OR6C3: variants seen among roughly 807,000 people sequenced by gnomAD.
OR6C3 encodes the protein olfactory receptor family 6 subfamily C member 3.
For synonymous variants in OR6C3, 177 were observed against 137.4 expected, an observed-to-expected ratio of 1.29 and a Z score of -2.02; for missense variants, 487 against 364.6, an observed-to-expected ratio of 1.34 and a Z score of -2.73.
chr12:55,330,892 A>G (rs910046587), intron 1 of OR6C3, 85 bp downstream of exon 1: 1 of 152,102 alleles, frequency 6.6e-6, no homozygotes, highest in Non-Finnish European at 1.5e-5. Context: ...TCAAAATTAA[A>G]ATGTCTGTAT....
rs1206655493 is a variant in OR6C3 at position 55,332,393 on chromosome 12, A to G, written c.693A>G (p.Arg231=). The G allele has an allele frequency of 8.1e-6, 13 of 1,613,906 alleles. No homozygotes were observed. Among genetic ancestry groups the G allele is most frequent in the South Asian group, 1.1e-5 (1 of 91,084 alleles). The change falls in exon 2 of 2, where the codon AGA becomes AGG. Residue 231 remains arginine (R), a synonymous_variant. Coordinates refer to ENST00000641740, the MANE Select transcript of OR6C3 (RefSeq NM_001388498.1). The stretch of plus-strand genomic sequence containing the variant: ...TGAGAATCCCGTCTGCCAGTCAAAG[A>G]AAAAAGGCTTTCTCCACTTGTTCTT... ...TILRIPSASQ[R]KKAFSTCSSH...
At position 55,331,665 on chromosome 12, in the gene OR6C3, G is replaced by A. The variant is rs1258530132; in HGVS notation, c.-36G>A. The A allele has an allele frequency of 1.7e-5, 23 of 1,339,250 alleles. No homozygotes were observed. Among genetic ancestry groups the A allele is most frequent in the Non-Finnish European group, 2.2e-5 (21 of 961,904 alleles). 83.0% of individuals were successfully genotyped at this position (1,339,250 alleles called of 1,614,324 possible). A position where few individuals can be genotyped will look rare whatever the true frequency, so the allele number is the denominator to read the frequency against. On this transcript the variant is annotated 5_prime_UTR_variant, in exon 2 of 2. Coordinates refer to ENST00000641740, the MANE Select transcript of OR6C3 (RefSeq NM_001388498.1). Reference sequence around the variant, plus strand: ...CAAAATATCTTTAAAAGAACAAAAAGGAGAGTGGAAGAAGGAGAGAGAGAA... The same window carrying A: ...CAAAATATCTTTAAAAGAACAAAAAAGAGAGTGGAAGAAGGAGAGAGAGAA...
upstream of OR6C3, chr12:55,330,203 A>C (rs1229586594): frequency 1.3e-5 from 2 of 152,176 alleles, no homozygotes; most frequent in Non-Finnish European, 2.9e-5. Flanking sequence ...TCTAACTCAT[A>C]ATATCCAATG....
chr12:55,332,152 T>A lies in OR6C3; in HGVS notation c.452T>A (p.Leu151Gln). The change falls in exon 2 of 2, where the codon CTG becomes CAG. Residue 151 changes from leucine to glutamine, a missense_variant. Transcript: ENST00000641740. Reference sequence around the variant, plus strand: ...CTGTGTGCCTGGCTAAGTGGGTTTCTGACCATTTTCCCACCCCTTATGCTT... The same window carrying A: ...CTGTGTGCCTGGCTAAGTGGGTTTCAGACCATTTTCCCACCCCTTATGCTT... ...LVLCAWLSGF[L>Q]TIFPPLMLLL... 6.2e-7 allele frequency: 1 copy of A among 1,614,172 alleles called. No homozygotes were observed. Among genetic ancestry groups the A allele is most frequent in the Admixed American group, 1.7e-5 (1 of 60,012 alleles).
chr12:55,332,334 A>AT lies in OR6C3; in HGVS notation c.638dup (p.Leu213PhefsTer46). 6.2e-7 allele frequency: 1 copy of AT among 1,614,020 alleles called. No homozygotes were observed. The highest frequency in any genetic ancestry group is 8.5e-7 in the Non-Finnish European group (1 of 1,180,000). ...TTTGCTGTTCACTTTGGCATTAGTG[A>AT]TTTTATCTTACATGTACATTATCAG... is the stretch of plus-strand genomic sequence containing the variant. On this transcript the variant is annotated frameshift_variant, in exon 2 of 2. Transcript: ENST00000641740. LOFTEE classifies it low-confidence loss of function (END_TRUNC).
chr12:55,331,797 A>G lies in OR6C3; in HGVS notation c.97A>G (p.Ile33Val), dbSNP rs1868859965. Residue 33 changes from isoleucine (I) to valine (V), a missense_variant, in exon 2 of 2, where the codon ATA (isoleucine) becomes GTA (valine). Physicochemically the swap from Ile to Val is conservative, Grantham distance 29. Coordinates refer to ENST00000641740, the MANE Select transcript of OR6C3 (RefSeq NM_001388498.1). ...TTTTCTCTTTTTATTTATCACGTAT[A>G]TATTAAGTGTTACTGGAAACCTGAC... is the stretch of plus-strand genomic sequence containing the variant. ...VIFLFLFITY[I>V]LSVTGNLTII... 1.2e-6 allele frequency: 2 copies of G among 1,613,460 alleles called. No homozygotes were observed. The highest frequency in any genetic ancestry group is 1.7e-6 in the Non-Finnish European group (2 of 1,179,434).
chr12:55,331,679 G>GGA lies in OR6C3; in HGVS notation c.-13_-12dup. The GGA allele has an allele frequency of 1.3e-6, 2 of 1,505,464 alleles. No individual in the cohort carries two copies. Among genetic ancestry groups the GGA allele is most frequent in the Non-Finnish European group, 1.8e-6 (2 of 1,100,328 alleles). The allele number at this position is 1,505,464 out of a possible 1,614,324, so 93.3% of individuals were successfully genotyped here. On this transcript the variant is annotated 5_prime_UTR_variant, in exon 2 of 2. Coordinates refer to ENST00000641740, the MANE Select transcript of OR6C3 (RefSeq NM_001388498.1). Reference sequence around the variant, plus strand: ...AAGAACAAAAAGGAGAGTGGAAGAAGGAGAGAGAGAAAGGACGAGACATGA... The same window carrying GGA: ...AAGAACAAAAAGGAGAGTGGAAGAAGGAGAGAGAGAGAAAGGACGAGACATGA...
intron 1 of OR6C3, among the ~76,000 whole-genome samples, chr12:55,331,361 TA>T (rs1868835173): frequency 6.6e-6 from 1 of 152,092 alleles, no homozygotes; most frequent in Admixed American, 6.5e-5. Context: ...ACAAAAAAGA[TA>T]ATGATATTTT....
At position 55,331,832 on chromosome 12, in the gene OR6C3, C is replaced by T; in HGVS notation, c.132C>T (p.Thr44=). 6.2e-7 allele frequency: 1 copy of T among 1,613,882 alleles called. No individual in the cohort carries two copies. Among genetic ancestry groups the T allele is most frequent in the East Asian group, 2.2e-5 (1 of 44,870 alleles). Residue 44 remains threonine, a synonymous_variant, in exon 2 of 2, where the codon ACC becomes ACT. Coordinates refer to ENST00000641740, the MANE Select transcript of OR6C3 (RefSeq NM_001388498.1). The stretch of plus-strand genomic sequence containing the variant: ...TTACTGGAAACCTGACTATCATCAC[C>T]CTAACCTTTGTGGACTCCCATCTGC... The part of the protein sequence containing the change: ...LSVTGNLTII[T]LTFVDSHLQT...
rs370635516 is a variant in OR6C3 at position 55,332,134 on chromosome 12, C to T, written c.434C>T (p.Ala145Val). 4 of 1,614,086 alleles carry T rather than the reference C, an allele frequency of 2.5e-6. No homozygotes were observed. The highest frequency in any genetic ancestry group is 1.1e-5 in the South Asian group (1 of 91,076). ...CTCTGCACTCTACTTGTGCTGTGTGCCTGGCTAAGTGGGTTTCTGACCATT... is the reference window on the plus strand; with the variant it reads ...CTCTGCACTCTACTTGTGCTGTGTGTCTGGCTAAGTGGGTTTCTGACCATT... ...RKLCTLLVLC[A>V]WLSGFLTIFP... The change falls in exon 2 of 2, where the codon GCC (alanine) becomes GTC (valine). Residue 145 changes from alanine (A) to valine (V), a missense_variant. Coordinates refer to ENST00000641740, the MANE Select transcript of OR6C3 (RefSeq NM_001388498.1).
rs1380408493 is a variant in OR6C3, at chr12:55,331,972, A to G, written c.272A>G (p.Tyr91Cys). The G allele has an allele frequency of 6.2e-7, 1 of 1,614,162 alleles. No homozygotes were observed. Among genetic ancestry groups the G allele is most frequent in the Non-Finnish European group, 8.5e-7 (1 of 1,180,028 alleles). ...ATCACCAGGAATAAGACTATTTCCT[A>G]TAACAACTGTGCAGCCCAACTCTTT... ...AIITRNKTISYNNCAAQLFFF... is the reference protein window; with the variant it reads ...AIITRNKTISCNNCAAQLFFF... The change falls in exon 2 of 2, where the codon TAT becomes TGT. Residue 91 changes from tyrosine to cysteine, a missense_variant. Coordinates refer to ENST00000641740, the MANE Select transcript of OR6C3 (RefSeq NM_001388498.1).
rs925603192 is a variant in OR6C3 at position 55,331,995 on chromosome 12, T to C, written c.295T>C (p.Phe99Leu). Residue 99 changes from phenylalanine to leucine, a missense_variant, in exon 2 of 2, where the codon TTT becomes CTT. Phe to Leu is a conservative substitution (Grantham distance 22). Transcript: ENST00000641740. ...CTATAACAACTGTGCAGCCCAACTC[T>C]TTTTCTTTATCTTCATGGGGGTGAC... ...ISYNNCAAQL[F>L]FFIFMGVTEF... is the part of the protein sequence containing the mutation. 1.2e-6 allele frequency: 2 copies of C among 1,614,064 alleles called. No homozygotes were observed. The highest frequency in any genetic ancestry group is 1.7e-6 in the Non-Finnish European group (2 of 1,180,036).
Position 55,332,246 on chromosome 12 carries a change from A to C in OR6C3, c.546A>C (p.Leu182Phe). The change falls in exon 2 of 2, where the codon TTA becomes TTC. Residue 182 changes from leucine to phenylalanine, a missense_variant. Coordinates refer to ENST00000641740, the MANE Select transcript of OR6C3 (RefSeq NM_001388498.1). ...DHFACDYFPLLQLSCSDTWLL... is the reference protein window; with the variant it reads ...DHFACDYFPLFQLSCSDTWLL... The stretch of plus-strand genomic sequence containing the variant: ...TTGCATGTGACTATTTTCCCCTCTT[A>C]CAACTATCTTGTTCAGATACATGGC... 1 of 1,613,962 alleles carries C rather than the reference A, an allele frequency of 6.2e-7. No homozygotes were observed. Among genetic ancestry groups the C allele is most frequent in the Non-Finnish European group, 8.5e-7 (1 of 1,180,000 alleles).
rs146043785 is a variant in OR6C3, at chr12:55,332,459, A to G, written c.759A>G (p.Ile253Met). The G allele has an allele frequency of 5.6e-6, 9 of 1,613,946 alleles. No homozygotes were observed. Among genetic ancestry groups the G allele is most frequent in the African/African-American group, 1.3e-5 (1 of 74,932 alleles). ...TTTCCATTTCTTATGGAAGCTGTAT[A>G]TTCATGTATGCTAATCCATCTGCAA... ...IVISISYGSC[I>M]FMYANPSAKE... The change falls in exon 2 of 2, where the codon ATA becomes ATG. Residue 253 changes from isoleucine (I) to methionine (M), a missense_variant. Transcript: ENST00000641740.
Position 55,331,763 on chromosome 12 carries a change from G to A in OR6C3, c.63G>A (p.Gln21=), listed in dbSNP as rs775182420. 6.2e-7 allele frequency: 1 copy of A among 1,613,904 alleles called. No individual in the cohort carries two copies. The highest frequency in any genetic ancestry group is 8.5e-7 in the Non-Finnish European group (1 of 1,179,876). The change falls in exon 2 of 2, where the codon CAG becomes CAA. Residue 21 remains glutamine (Q), a synonymous_variant. Coordinates refer to ENST00000641740, the MANE Select transcript of OR6C3 (RefSeq NM_001388498.1). ...GCCTTTCTGATGATCCTGACCTTCA[G>A]ATTGTGATTTTTCTCTTTTTATTTA... ...LLGLSDDPDL[Q]IVIFLFLFIT...
intron 1 of OR6C3, 139 bp downstream of exon 1, chr12:55,330,946 A>G (rs2120472602): frequency 6.6e-6 from 1 of 152,218 alleles, no homozygotes; most frequent in South Asian, 2.1e-4. Context: ...AGAAGACATC[A>G]AACATTAAAG....
At position 55,331,966 on chromosome 12, in the gene OR6C3, T is replaced by C; in HGVS notation, c.266T>C (p.Ile89Thr). ...GCAATTATCACCAGGAATAAGACTA[T>C]TTCCTATAACAACTGTGCAGCCCAA... ...LGAIITRNKT[I>T]SYNNCAAQLF... Residue 89 changes from isoleucine to threonine, a missense_variant, in exon 2 of 2, where the codon ATT (isoleucine) becomes ACT (threonine). Coordinates refer to ENST00000641740, the MANE Select transcript of OR6C3 (RefSeq NM_001388498.1). 1.2e-6 allele frequency: 2 copies of C among 1,614,126 alleles called. No individual in the cohort carries two copies. Among genetic ancestry groups the C allele is most frequent in the South Asian group, 1.1e-5 (1 of 91,076 alleles).
In OR6C3 at chr12:55,332,285, T is replaced by G; in HGVS notation, c.585T>G (p.Ile195Met). 6.2e-7 allele frequency: 1 copy of G among 1,613,980 alleles called. No individual in the cohort carries two copies. The highest frequency in any genetic ancestry group is 1.1e-5 in the South Asian group (1 of 91,090). The stretch of plus-strand genomic sequence containing the variant: ...CAGATACATGGCTCCTAGAAGTAAT[T>G]GGTTTTTACTTTGCTTTGGTTACTT... ...SCSDTWLLEV[I>M]GFYFALVTLL... The change falls in exon 2 of 2, where the codon ATT (isoleucine) becomes ATG (methionine). Residue 195 changes from isoleucine to methionine, a missense_variant. Transcript: ENST00000641740.
chr12:55,332,498 A>G lies in OR6C3; in HGVS notation c.798A>G (p.Ser266=). Residue 266 remains serine (S), a synonymous_variant, in exon 2 of 2, where the codon TCA becomes TCG. Transcript: ENST00000641740. ...YANPSAKEKA[S]LTKGIAILNT... is the part of the protein sequence containing the mutation. ...ATCCATCTGCAAAAGAAAAGGCATC[A>G]TTGACAAAAGGAATAGCTATTCTCA... is the stretch of plus-strand genomic sequence containing the variant. 6.2e-7 allele frequency: 1 copy of G among 1,614,014 alleles called. No homozygotes were observed. Among genetic ancestry groups the G allele is most frequent in the South Asian group, 1.1e-5 (1 of 91,078 alleles).
Sources: allele counts gnomAD v4.1 joint callset (sites outside exome capture counted in the v4.1 genomes callset), GRCh38; gene constraint gnomAD v4.1.1; transcripts MANE v1.5; gene names NCBI Gene and HGNC (gene_info 2026-07-23, HGNC 2026-07-21).